The following CCDC185 variants were observed in gnomAD, a reference collection of about 807,000 sequenced individuals.
CCDC185 encodes the protein coiled-coil domain containing 185.
For synonymous variants in CCDC185, 381 were observed against 348.1 expected, an observed-to-expected ratio of 1.09 and a Z score of -1.05; for missense variants, 982 against 825.3, an observed-to-expected ratio of 1.19 and a Z score of -2.33.
rs763243788 is a variant in CCDC185 at position 223,394,669 on chromosome 1, G to C, written c.1194G>C (p.Gln398His). The C allele has an allele frequency of 6.2e-7, 1 of 1,613,068 alleles. No individual in the cohort carries two copies. The highest frequency in any genetic ancestry group is 8.5e-7 in the Non-Finnish European group (1 of 1,179,862). The part of the protein sequence containing the change: ...NLREQHSLQL[Q>H]RRLVEACRKR... The stretch of plus-strand genomic sequence containing the variant: ...GGGAGCAGCACAGCCTGCAGCTGCA[G>C]AGGAGGCTGGTGGAAGCCTGTCGCA... The change falls in exon 1 of 1, where the codon CAG becomes CAC. Residue 398 changes from glutamine (Q) to histidine (H), a missense_variant. Gln to His is a conservative substitution (Grantham distance 24). Coordinates refer to ENST00000366875, the MANE Select transcript of CCDC185 (RefSeq NM_152610.3).
chr1:223,393,774 G>A lies in CCDC185; in HGVS notation c.299G>A (p.Arg100Gln), dbSNP rs1324315305. The A allele has an allele frequency of 1.3e-6, 2 of 1,566,742 alleles. No homozygotes were observed. Among genetic ancestry groups the A allele is most frequent in the Non-Finnish European group, 1.7e-6 (2 of 1,158,016 alleles). Reference sequence around the variant, plus strand: ...CCCCTGGAACGTTCCAGGAAGCACCGGCCCCGCAGCAGGCGCCTGGAAGAT... The same window carrying A: ...CCCCTGGAACGTTCCAGGAAGCACCAGCCCCGCAGCAGGCGCCTGGAAGAT... ...RRPLERSRKH[R>Q]PRSRRLEDAW... Residue 100 changes from arginine (R) to glutamine (Q), a missense_variant, in exon 1 of 1, where the codon CGG becomes CAG. Physicochemically the swap from Arg to Gln is conservative, Grantham distance 43. Transcript: ENST00000366875. This position sits in a 1 kb window ranked among gnomAD's most constrained non-coding sequence, Gnocchi z 4.8.
rs144076109 is a variant in CCDC185, at chr1:223,394,273, T to A, written c.798T>A (p.Arg266=). 2.2e-3 allele frequency: 3,555 copies of A among 1,613,470 alleles called. 12 individuals carry two copies. The highest frequency in any genetic ancestry group is 3.8e-3 in the Middle Eastern group (23 of 6,060). The change falls in exon 1 of 1, where the codon CGT becomes CGA. Residue 266 remains arginine (R), a synonymous_variant. Coordinates refer to ENST00000366875, the MANE Select transcript of CCDC185 (RefSeq NM_152610.3). ...DQQIVALVLT[R]LKKAQRIREL... ...AGATTGTGGCCCTGGTGCTGACCCG[T>A]CTCAAGAAGGCCCAGAGGATACGGG...
At chr1:223,393,940 TC>T in the CCDC185 span, 1 of 1,613,298 alleles carries the variant, frequency 6.2e-7, no homozygotes, top group Non-Finnish European at 8.5e-7. This position sits in a 1 kb window ranked among gnomAD's most constrained non-coding sequence, Gnocchi z 4.8. Flanking sequence ...GAGCTGGCAC[TC>T]CCCTGAGTGG....
Position 223,394,167 on chromosome 1 carries a change from C to G in CCDC185, c.692C>G (p.Ser231Cys). 6.2e-7 allele frequency: 1 copy of G among 1,614,056 alleles called. No individual in the cohort carries two copies. Among genetic ancestry groups the G allele is most frequent in the Non-Finnish European group, 8.5e-7 (1 of 1,180,038 alleles). Reference protein sequence around the residue: ...LASRDSQPLASSKEMRSPHTQ... With the variant: ...LASRDSQPLACSKEMRSPHTQ... ...AGCCGGGACTCCCAGCCCTTGGCCT[C>G]CAGCAAAGAGATGCGGAGCCCGCAC... The change falls in exon 1 of 1, where the codon TCC becomes TGC. Residue 231 changes from serine to cysteine, a missense_variant. Ser to Cys is a moderately radical substitution (Grantham distance 112, BLOSUM62 -1). Coordinates refer to ENST00000366875, the MANE Select transcript of CCDC185 (RefSeq NM_152610.3).
chr1:223,393,757 A>G lies in CCDC185; in HGVS notation c.282A>G (p.Glu94=). The change falls in exon 1 of 1, where the codon GAA becomes GAG. Residue 94 remains glutamate (E), a synonymous_variant. Transcript: ENST00000366875. The surrounding 1 kb of genome is among the most constrained non-coding windows in gnomAD (Gnocchi z 4.8). ...GCGATGTGGCCCGCAGGCCCCTGGA[A>G]CGTTCCAGGAAGCACCGGCCCCGCA... ...SLSDVARRPL[E]RSRKHRPRSR... is the part of the protein sequence containing the mutation. The G allele has an allele frequency of 1.3e-6, 2 of 1,565,326 alleles. No individual in the cohort carries two copies. Among genetic ancestry groups the G allele is most frequent in the Non-Finnish European group, 1.7e-6 (2 of 1,157,518 alleles).
chr1:223,394,543 G>C lies in CCDC185; in HGVS notation c.1068G>C (p.Pro356=). 1 of 1,600,564 alleles carries C rather than the reference G, an allele frequency of 6.2e-7. No homozygotes were observed. Among genetic ancestry groups the C allele is most frequent in the Non-Finnish European group, 8.5e-7 (1 of 1,174,090 alleles). ...WKEQPEDQES[P]RQEKLEKARA... ...AGCAACCAGAGGACCAGGAGAGCCC[G>C]CGCCAGGAGAAGCTGGAGAAGGCGC... Residue 356 remains proline (P), a synonymous_variant, in exon 1 of 1, where the codon CCG becomes CCC. Transcript: ENST00000366875.
Position 223,394,884 on chromosome 1 carries a change from G to C in CCDC185, c.1409G>C (p.Arg470Pro), listed in dbSNP as rs138878151. ...ATACACCAGGGCCTGAGGAAGGAGC[G>C]GCAACGCGAGCTGAGGGAGAAGGCC... ...QEIHQGLRKE[R>P]QRELREKAQK... The change falls in exon 1 of 1, where the codon CGG becomes CCG. Residue 470 changes from arginine (R) to proline (P), a missense_variant. Physicochemically the swap from Arg to Pro is moderately radical, Grantham distance 103. Coordinates refer to ENST00000366875, the MANE Select transcript of CCDC185 (RefSeq NM_152610.3). 2 of 1,614,142 alleles carry C rather than the reference G, an allele frequency of 1.2e-6. No individual in the cohort carries two copies. Among genetic ancestry groups the C allele is most frequent in the Admixed American group, 3.3e-5 (2 of 60,026 alleles).
At position 223,394,707 on chromosome 1, in the gene CCDC185, A is replaced by C; in HGVS notation, c.1232A>C (p.His411Pro). 1 of 1,611,934 alleles carries C rather than the reference A, an allele frequency of 6.2e-7. No homozygotes were observed. Among genetic ancestry groups the C allele is most frequent in the Non-Finnish European group, 8.5e-7 (1 of 1,179,284 alleles). The change falls in exon 1 of 1, where the codon CAT becomes CCT. Residue 411 changes from histidine to proline, a missense_variant. By Grantham distance (77) the His-to-Pro change is moderately conservative (BLOSUM62 -2). Coordinates refer to ENST00000366875, the MANE Select transcript of CCDC185 (RefSeq NM_152610.3). ...LVEACRKRHL[H>P]AVEGQKKVQD... ...GAAGCCTGTCGCAAGAGGCACCTAC[A>C]TGCCGTGGAGGGCCAGAAGAAGGTC... is the stretch of plus-strand genomic sequence containing the variant.
chr1:223,394,450 T>C lies in CCDC185; in HGVS notation c.975T>C (p.Pro325=), dbSNP rs1190276105. 45 of 1,572,004 alleles carry C rather than the reference T, an allele frequency of 2.9e-5. No individual in the cohort carries two copies. Among genetic ancestry groups the C allele is most frequent in the Non-Finnish European group, 3.9e-5 (45 of 1,159,364 alleles). Residue 325 remains proline (P), a synonymous_variant, in exon 1 of 1, where the codon CCT becomes CCC. Transcript: ENST00000366875. ...AGCAGCGCAAGACCCTCCAGAGCCC[T>C]GAGCAGCGCGGCCTGCGGCGGGACA... ...EKEQRKTLQS[P]EQRGLRRDSQ...
Position 223,394,612 on chromosome 1 carries a change from G to A in CCDC185, c.1137G>A (p.Leu379=), listed in dbSNP as rs1424750968. The A allele has an allele frequency of 6.2e-7, 1 of 1,612,868 alleles. No homozygotes were observed. The highest frequency in any genetic ancestry group is 8.5e-7 in the Non-Finnish European group (1 of 1,179,706). The stretch of plus-strand genomic sequence containing the variant: ...GAAAACAGTGCCAGGTGCGGCGCCT[G>A]CGGGAGCAGGAGAAGATGCTACGGA... ...EHRKQCQVRR[L]REQEKMLRNL... Residue 379 remains leucine (L), a synonymous_variant, in exon 1 of 1, where the codon CTG becomes CTA. Coordinates refer to ENST00000366875, the MANE Select transcript of CCDC185 (RefSeq NM_152610.3).
rs776492165 is a variant in CCDC185, at chr1:223,395,261, G to C, written c.1786G>C (p.Glu596Gln). 6.3e-7 allele frequency: 1 copy of C among 1,591,832 alleles called. No individual in the cohort carries two copies. Among genetic ancestry groups the C allele is most frequent in the Non-Finnish European group, 8.5e-7 (1 of 1,171,774 alleles). Reference protein sequence around the residue: ...FQKLPQASRREERAPPNSSLD... With the variant: ...FQKLPQASRRQERAPPNSSLD... ...GAAGCTCCCTCAGGCCTCCAGGAGA[G>C]AGGAGAGAGCGCCTCCCAACAGCTC... Residue 596 changes from glutamate to glutamine, a missense_variant, in exon 1 of 1, where the codon GAG becomes CAG. Coordinates refer to ENST00000366875, the MANE Select transcript of CCDC185 (RefSeq NM_152610.3).
rs757647945 is a variant in CCDC185, at chr1:223,394,381, C to G, written c.906C>G (p.Arg302=). 78 of 1,571,852 alleles carry G rather than the reference C, an allele frequency of 5.0e-5. No individual in the cohort carries two copies. The highest frequency in any genetic ancestry group is 6.7e-5 in the Non-Finnish European group (78 of 1,159,032). ...QKVQMTLERE[R]RLLLRQSQEQ... The stretch of plus-strand genomic sequence containing the variant: ...TCCAGATGACCCTGGAGCGGGAGCG[C>G]CGGCTGCTGCTGCGGCAGAGCCAGG... Residue 302 remains arginine, a synonymous_variant, in exon 1 of 1, where the codon CGC becomes CGG. Coordinates refer to ENST00000366875, the MANE Select transcript of CCDC185 (RefSeq NM_152610.3).
rs1669614499 is a variant in CCDC185, at chr1:223,394,208, A to C, written c.733A>C (p.Ser245Arg). 1 of 1,613,870 alleles carries C rather than the reference A, an allele frequency of 6.2e-7. No individual in the cohort carries two copies. The highest frequency in any genetic ancestry group is 1.1e-5 in the South Asian group (1 of 91,088). Residue 245 changes from serine (S) to arginine (R), a missense_variant, in exon 1 of 1, where the codon AGC becomes CGC. Coordinates refer to ENST00000366875, the MANE Select transcript of CCDC185 (RefSeq NM_152610.3). ...MRSPHTQVLK[S>R]KLEEVVVSSQ... ...GAGCCCGCACACCCAGGTCCTGAAG[A>C]GCAAGCTGGAAGAGGTGGTGGTGTC...
chr1:223,394,274 CTCAAGAA>C, the CCDC185 span: 1 of 1,613,728 alleles, frequency 6.2e-7, no homozygotes, highest in Non-Finnish European at 8.5e-7. Context: ...GCTGACCCGT[CTCAAGAA>C]GGCCCAGAGG....
chr1:223,394,508 C>CG, the CCDC185 span: 3 of 1,589,216 alleles, frequency 1.9e-6, no homozygotes, highest in Non-Finnish European at 1.7e-6. Flanking sequence ...GGGGGAAAGC[C>CG]GGTGGAAGGA....
At chr1:223,395,125 CGA>C in the CCDC185 span, 1 of 1,613,990 alleles carries the variant, frequency 6.2e-7, no homozygotes, top group Non-Finnish European at 8.5e-7. Flanking sequence ...AACTGAAAGC[CGA>C]GAAGGAGGAA....
chr1:223,393,696 G>T lies in CCDC185; in HGVS notation c.221G>T (p.Gly74Val), dbSNP rs1276376887. 1 of 1,574,420 alleles carries T rather than the reference G, an allele frequency of 6.4e-7. No individual in the cohort carries two copies. The highest frequency in any genetic ancestry group is 8.6e-7 in the Non-Finnish European group (1 of 1,164,268). ...TTCACCCCGCGGCCTCGCAGGCGCG[G>T]GTGCTCAGATTCACTGCGGGGCAGC... ...CSFTPRPRRR[G>V]CSDSLRGSRS... The change falls in exon 1 of 1, where the codon GGG (glycine) becomes GTG (valine). Residue 74 changes from glycine (G) to valine (V), a missense_variant. Transcript: ENST00000366875. This position sits in a 1 kb window ranked among gnomAD's most constrained non-coding sequence, Gnocchi z 4.8.
Position 223,394,582 on chromosome 1 carries a change from G to A in CCDC185, c.1107G>A (p.Glu369=), listed in dbSNP as rs1455492721. Residue 369 remains glutamate, a synonymous_variant, in exon 1 of 1, where the codon GAG becomes GAA. Coordinates refer to ENST00000366875, the MANE Select transcript of CCDC185 (RefSeq NM_152610.3). ...TGGAGAAGGCGCGCGCCCAGGCAGA[G>A]CACCGAAAACAGTGCCAGGTGCGGC... ...EKLEKARAQA[E]HRKQCQVRRL... is the part of the protein sequence containing the mutation. The A allele has an allele frequency of 6.2e-7, 1 of 1,609,860 alleles. No homozygotes were observed. The highest frequency in any genetic ancestry group is 1.3e-5 in the African/African-American group (1 of 74,864).
rs765520603 is a variant in CCDC185, at chr1:223,393,823, G to C, written c.348G>C (p.Lys116Asn). The C allele has an allele frequency of 6.3e-7, 1 of 1,591,860 alleles. No homozygotes were observed. The highest frequency in any genetic ancestry group is 1.1e-5 in the South Asian group (1 of 88,624). Residue 116 changes from lysine (K) to asparagine (N), a missense_variant, in exon 1 of 1, where the codon AAG becomes AAC. Coordinates refer to ENST00000366875, the MANE Select transcript of CCDC185 (RefSeq NM_152610.3). This position sits in a 1 kb window ranked among gnomAD's most constrained non-coding sequence, Gnocchi z 4.8. ...LEDAWGETGT[K>N]PRPAWQPQTQ... ...ATGCCTGGGGAGAGACAGGAACCAA[G>C]CCCCGCCCGGCTTGGCAGCCGCAGA...
Sources: allele counts gnomAD v4.1 joint callset, GRCh38; gene constraint gnomAD v4.1.1; non-coding constraint Gnocchi (gnomAD v3.1); transcripts MANE v1.5; gene names NCBI Gene and HGNC (gene_info 2026-07-23, HGNC 2026-07-21).